The following ZDHHC14 variants were observed in gnomAD, a reference collection of about 807,000 sequenced individuals.
The protein encoded by ZDHHC14 is zDHHC palmitoyltransferase 14, also known as palmitoyltransferase ZDHHC14.
A neutral mutation model predicts 47.7 loss-of-function variants in ZDHHC14; 16 were observed. The observed-to-expected ratio is 0.34, with a 90% CI of 0.23 to 0.51. The LOEUF is 0.51. Ranked by LOEUF, ZDHHC14 falls within the 20% of genes least tolerant of loss-of-function variation. The pLI is 0.97. For missense variants in ZDHHC14, 515 were observed against 662.5 expected (o/e 0.78, Z 2.44); for synonymous variants, 293 against 278.9 (o/e 1.05, Z -0.50).
chr6:157,552,130 C>T (rs1782258993), intron 2 of ZDHHC14, among the ~76,000 whole-genome samples: 1 of 152,154 alleles, frequency 6.6e-6, no homozygotes, highest in South Asian at 2.1e-4. Context: ...CATGTAAATT[C>T]AACAAGCAAA....
rs1241530288 is a variant in ZDHHC14 at position 157,674,171 on chromosome 6, A to G, written c.*1049A>G. ...ACACCATCTTAGTGGAATTTGCTCTACGTTTGCAGTTTGCCGTGCAACAGT... is the reference window on the plus strand; with the variant it reads ...ACACCATCTTAGTGGAATTTGCTCTGCGTTTGCAGTTTGCCGTGCAACAGT... On this transcript the variant is annotated 3_prime_UTR_variant, in exon 9 of 9. Transcript: ENST00000359775. 2 of 152,176 alleles carry G rather than the reference A, an allele frequency of 1.3e-5. No homozygotes were observed. Among genetic ancestry groups the G allele is most frequent in the Admixed American group, 6.5e-5 (1 of 15,282 alleles). 9.4% of individuals were successfully genotyped at this position (152,176 alleles called of 1,614,324 possible). A position where few individuals can be genotyped will look rare whatever the true frequency, so the allele number is the denominator to read the frequency against.
chr6:157,583,892 C>T (rs999635797), intron 2 of ZDHHC14, among the ~76,000 whole-genome samples: 1 of 145,266 alleles, frequency 6.9e-6, no homozygotes, highest in African/African-American at 2.6e-5. Context: ...GATGCAGAGC[C>T]ATGATCAATC....
intron 8 of ZDHHC14, among the ~76,000 whole-genome samples, chr6:157,653,969 C>A (rs888864206): frequency 6.6e-6 from 1 of 152,150 alleles, no homozygotes; most frequent in Non-Finnish European, 1.5e-5. Flanking sequence ...GGCTCATGAT[C>A]TTCCATTTCC....
intron 1 of ZDHHC14, among the ~76,000 whole-genome samples, chr6:157,505,793 A>AT (rs1562452405): frequency 6.6e-6 from 1 of 152,238 alleles, no homozygotes; most frequent in African/African-American, 2.4e-5. Flanking sequence ...GTGTAGAAGT[A>AT]TAAGAGTTTT....
chr6:157,561,595 G>C (rs1218459917), intron 2 of ZDHHC14, among the ~76,000 whole-genome samples: 2 of 152,212 alleles, frequency 1.3e-5, no homozygotes, highest in African/African-American at 2.4e-5. Context: ...TTAGGAAACA[G>C]AAACTATACA....
intron 1 of ZDHHC14, among the ~76,000 whole-genome samples, chr6:157,414,257 G>A (rs1023291799): frequency 5.3e-5 from 8 of 152,142 alleles, no homozygotes; most frequent in African/African-American, 9.7e-5. Context: ...TGGCTCTGCC[G>A]CTGCCTCTGG....
chr6:157,407,766 C>T (rs1288151652), intron 1 of ZDHHC14, among the ~76,000 whole-genome samples: 1 of 152,182 alleles, frequency 6.6e-6, no homozygotes, highest in Non-Finnish European at 1.5e-5. Flanking sequence ...GGGACAGACA[C>T]TTCTTGTTGG....
At chr6:157,565,555 G>A (rs1345024032) in intron 2 of ZDHHC14, among the ~76,000 whole-genome samples, 1 of 152,068 alleles carries the variant, frequency 6.6e-6, no homozygotes, top group East Asian at 1.9e-4. Context: ...GCAGTTGCTC[G>A]CGCCTATAAT....
intron 1 of ZDHHC14, among the ~76,000 whole-genome samples, chr6:157,403,271 C>T (rs182647139): frequency 1.1e-3 from 165 of 152,334 alleles, no homozygotes; most frequent in Non-Finnish European, 1.8e-3. Context: ...ATACTATTGT[C>T]ATGCTCCACA....
intron 7 of ZDHHC14, among the ~76,000 whole-genome samples, chr6:157,651,320 G>T (rs1339192603): frequency 6.6e-6 from 1 of 152,204 alleles, no homozygotes; most frequent in South Asian, 2.1e-4. Flanking sequence ...TCGCAGGGTA[G>T]CCTCTGTCGG....
At chr6:157,650,484 G>A (rs1412272532) in intron 7 of ZDHHC14, among the ~76,000 whole-genome samples, 3 of 152,046 alleles carry the variant, frequency 2.0e-5, no homozygotes, top group African/African-American at 7.3e-5. Flanking sequence ...AGCACTGGGA[G>A]CCCAGCTGCT....
intron 2 of ZDHHC14, chr6:157,592,665 C>T: frequency 2.1e-6 from 2 of 950,472 alleles, no homozygotes; most frequent in Non-Finnish European, 2.6e-6. Context: ...GGCCTGGGGC[C>T]TCTCCTGCCG....
At chr6:157,444,631 T>C (rs1459461472) in intron 1 of ZDHHC14, among the ~76,000 whole-genome samples, 1 of 151,150 alleles carries the variant, frequency 6.6e-6, no homozygotes, top group Non-Finnish European at 1.5e-5. Context: ...TGAGCCAAGA[T>C]TGCACCATTG....
At chr6:157,645,570 G>A (rs1156246203) in intron 5 of ZDHHC14, among the ~76,000 whole-genome samples, 167 bp from the exon 6 acceptor site, 1 of 152,206 alleles carries the variant, frequency 6.6e-6, no homozygotes, top group Non-Finnish European at 1.5e-5. Context: ...GCCTCCATCT[G>A]GTTAGACGAA....
chr6:157,610,371 G>A (rs1784707767), intron 3 of ZDHHC14, among the ~76,000 whole-genome samples: 2 of 152,166 alleles, frequency 1.3e-5, no homozygotes, highest in African/African-American at 4.8e-5. Context: ...GGCGGAGCTT[G>A]CAGTGAGCCG....
intron 2 of ZDHHC14, among the ~76,000 whole-genome samples, chr6:157,560,473 A>G (rs933547859): frequency 2.0e-5 from 3 of 152,362 alleles, no homozygotes; most frequent in South Asian, 2.1e-4. Flanking sequence ...TCCTTATACA[A>G]TTTCAATGAA....
intron 1 of ZDHHC14, among the ~76,000 whole-genome samples, chr6:157,462,182 T>G (rs541128798): frequency 1.3e-5 from 2 of 152,356 alleles, no homozygotes; most frequent in South Asian, 4.1e-4. Flanking sequence ...TCGTGTAAAG[T>G]TAGCTCTTTT....
At chr6:157,389,304 G>A (rs904766375) in intron 1 of ZDHHC14, among the ~76,000 whole-genome samples, 6 of 152,012 alleles carry the variant, frequency 3.9e-5, no homozygotes, top group African/African-American at 7.2e-5. Context: ...TCAATCTTGC[G>A]ATTAATAGTT....
intron 8 of ZDHHC14, among the ~76,000 whole-genome samples, chr6:157,665,544 A>T (rs1366287452): frequency 6.6e-6 from 1 of 152,248 alleles, no homozygotes; most frequent in East Asian, 1.9e-4. Context: ...TATCCGGATA[A>T]GAAAGGTATT....
Sources: allele counts gnomAD v4.1 joint callset (sites outside exome capture counted in the v4.1 genomes callset), GRCh38; gene constraint gnomAD v4.1.1; transcripts MANE v1.5; gene names NCBI Gene and HGNC (gene_info 2026-07-23, HGNC 2026-07-21).